Variants in SMC2 observed in about 807,000 individuals in gnomAD.
The protein encoded by SMC2 is structural maintenance of chromosomes protein 2.
SMC2 carries 41 observed loss-of-function variants against 142.6 expected under a neutral mutation model. That is an observed-to-expected ratio of 0.29 (90% CI 0.22 to 0.37). The LOEUF (loss-of-function observed/expected upper bound fraction) is 0.37, where lower values mean the gene tolerates loss of function less well. SMC2 is among the 10% of genes least tolerant of loss of function. The pLI is 1.00. For missense variants in SMC2, 1,265 were observed against 1,373.7 expected, an observed-to-expected ratio of 0.92 and a Z score of 1.25; for synonymous variants, 463 against 457.5, an observed-to-expected ratio of 1.01 and a Z score of -0.15.
chr9:104,094,364 C>T lies in SMC2; in HGVS notation c.-175C>T. The T allele has an allele frequency of 5.0e-6, 2 of 398,746 alleles. No homozygotes were observed. The highest frequency in any genetic ancestry group is 3.6e-5 in the East Asian group (1 of 28,064). The allele number at this position is 398,746 out of a possible 1,614,324, so 24.7% of individuals were successfully genotyped here. Reference sequence around the variant, plus strand: ...GAGAGCGGTGTGGCAGGTGTTGTAGCCGCTATGGTGAAGTTCGCTTTGTAG... The same window carrying T: ...GAGAGCGGTGTGGCAGGTGTTGTAGTCGCTATGGTGAAGTTCGCTTTGTAG... On this transcript the variant is annotated 5_prime_UTR_variant, in exon 1 of 25. Transcript: ENST00000374793.
chr9:104,126,329 A>G (rs1297756119), intron 18 of SMC2, among the ~76,000 whole-genome samples: 1 of 152,128 alleles, frequency 6.6e-6, no homozygotes, highest in Non-Finnish European at 1.5e-5. Flanking sequence ...TTTTTAAAAA[A>G]GCTTTACTTC....
chr9:104,120,289 GATTAA>G, intron 16 of SMC2, 127 bp downstream of exon 16: 1 of 877,950 alleles, frequency 1.1e-6, no homozygotes, highest in Non-Finnish European at 1.6e-6. Flanking sequence ...TAAAATGTTT[GATTAA>G]ATTGTGAGTT....
chr9:104,110,671 G>C (rs1360594882), intron 9 of SMC2, among the ~76,000 whole-genome samples: 3 of 152,148 alleles, frequency 2.0e-5, no homozygotes, highest in Non-Finnish European at 4.4e-5. Flanking sequence ...TGGCTCCTTA[G>C]CCATTTACTC....
intron 9 of SMC2, among the ~76,000 whole-genome samples, chr9:104,109,671 T>C (rs1832208397): frequency 6.6e-6 from 1 of 152,322 alleles, no homozygotes; most frequent in East Asian, 1.9e-4. Context: ...TCTCAATAAA[T>C]ATATTGGAAA....
At chr9:104,117,496 G>A (rs2131426394) in intron 14 of SMC2, among the ~76,000 whole-genome samples, 1 of 152,294 alleles carries the variant, frequency 6.6e-6, no homozygotes, top group East Asian at 1.9e-4. Flanking sequence ...GAGGACTGGG[G>A]ATTTTTTAAA....
At chr9:104,131,764 A>G (rs1834999257) in intron 21 of SMC2, among the ~76,000 whole-genome samples, 1 of 150,966 alleles carries the variant, frequency 6.6e-6, no homozygotes, top group Non-Finnish European at 1.5e-5. Context: ...TTAGTTATAT[A>G]CATATGGATG....
Position 104,095,380 on chromosome 9 carries a change from C to T in SMC2, c.-5C>T, listed in dbSNP as rs757422417. ...GAGGTTTGCTGACCCAAGACAGTAT[C>T]GAAAATGCATATTAAGTCAATTATT... On this transcript the variant is annotated 5_prime_UTR_variant, in exon 2 of 25. Transcript: ENST00000374793. The T allele has an allele frequency of 4.3e-6, 7 of 1,611,468 alleles. No individual in the cohort carries two copies. The South Asian group carries it at 5.5e-5, about 13-fold the overall frequency.
At chr9:104,096,459 A>G (rs576567983) in intron 3 of SMC2, among the ~76,000 whole-genome samples, 162 bp downstream of exon 3, 2 of 152,368 alleles carry the variant, frequency 1.3e-5, no homozygotes, top group East Asian at 3.9e-4. Flanking sequence ...TAAAATCTTG[A>G]TCATGCACAT....
At chr9:104,128,643 A>G (rs1834577410) in intron 20 of SMC2, among the ~76,000 whole-genome samples, 3 of 152,244 alleles carry the variant, frequency 2.0e-5, no homozygotes, top group Admixed American at 6.5e-5. Flanking sequence ...GTGAGACCAT[A>G]TCCATGGAAT....
At position 104,096,317 on chromosome 9, in the gene SMC2, T is replaced by G; in HGVS notation, c.318+20T>G. The G allele has an allele frequency of 2.5e-6, 4 of 1,612,150 alleles. No individual in the cohort carries two copies. Among genetic ancestry groups the G allele is most frequent in the Non-Finnish European group, 3.4e-6 (4 of 1,178,658 alleles). On this transcript the variant is annotated intron_variant, in intron 3 of 24. Coordinates refer to ENST00000374793, the MANE Select transcript of SMC2 (RefSeq NM_006444.3). Reference sequence around the variant, plus strand: ...AGGCAGGTGAGTGGCAATTAAACCTTTGGGTATCTTAAGACCTTTTATGTC... The same window carrying G: ...AGGCAGGTGAGTGGCAATTAAACCTGTGGGTATCTTAAGACCTTTTATGTC...
rs1834760558 is a variant in SMC2 at position 104,129,952 on chromosome 9, C to CT, written c.2991+109dup. ...TTAGAGTTAACCTTTTGCAGATGTC[C>CT]TTGATACTTTTCTTTCTGCTTTCCT... On this transcript the variant is annotated intron_variant, in intron 21 of 24. Coordinates refer to ENST00000374793, the MANE Select transcript of SMC2 (RefSeq NM_006444.3). 3.8e-6 allele frequency: 3 copies of CT among 790,652 alleles called. No homozygotes were observed. The South Asian group carries it at 5.2e-5, about 14-fold the overall frequency. The allele number at this position is 790,652 out of a possible 1,614,324, so 49.0% of individuals were successfully genotyped here.
Position 104,139,230 on chromosome 9 carries a change from G to A in SMC2, c.3509G>A (p.Arg1170Lys), listed in dbSNP as rs1835861779. 1 of 1,602,010 alleles carries A rather than the reference G, an allele frequency of 6.2e-7. No homozygotes were observed. Among genetic ancestry groups the A allele is most frequent in the Admixed American group, 1.7e-5 (1 of 57,372 alleles). Residue 1170 changes from arginine (R) to lysine (K), a missense_variant, in exon 25 of 25, where the codon AGA becomes AAA. Around this residue, in one of 4 missense-constraint regions of SMC2, gnomAD observed 192 missense variants for 261.9 expected, o/e 0.73. Transcript: ENST00000374793. ...KFVDGVSTVA[R>K]FTQCQNGKIS... ...GTGGATGGTGTTTCTACAGTAGCCA[G>A]ATTTACTCAATGTCAAAATGGAAAG...
chr9:104,130,399 A>C (rs751810831), intron 21 of SMC2, among the ~76,000 whole-genome samples: 3 of 152,114 alleles, frequency 2.0e-5, no homozygotes, highest in Non-Finnish European at 4.4e-5. Flanking sequence ...CAGTGGGGGA[A>C]GCATTCCCTA....
intron 19 of SMC2, 117 bp downstream of exon 19, chr9:104,126,901 G>A: frequency 3.8e-6 from 4 of 1,041,960 alleles, no homozygotes; most frequent in Non-Finnish European, 5.5e-6. Context: ...ATGAGAGAAT[G>A]AGGCACAAAT....
Position 104,102,514 on chromosome 9 carries a change from A to G in SMC2, c.961A>G (p.Lys321Glu), listed in dbSNP as rs1172254029. The G allele has an allele frequency of 1.2e-6, 2 of 1,613,740 alleles. No homozygotes were observed. The highest frequency in any genetic ancestry group is 1.7e-6 in the Non-Finnish European group (2 of 1,179,858). ...TKSQSAFDLK[K>E]KNLACEESKR... ...ATCTCAAAGCGCATTTGATCTCAAG[A>G]AGAAAAATCTGGCATGTGAGGAAAG... Residue 321 changes from lysine (K) to glutamate (E), a missense_variant, in exon 9 of 25, where the codon AAG becomes GAG. Lys to Glu is a moderately conservative substitution (Grantham distance 56, BLOSUM62 1). Coordinates refer to ENST00000374793, the MANE Select transcript of SMC2 (RefSeq NM_006444.3).
chr9:104,116,372 T>TAA (rs1554701802), intron 14 of SMC2, 53 bp downstream of exon 14: 1 of 1,509,514 alleles, frequency 6.6e-7, no homozygotes, highest in Non-Finnish European at 8.9e-7. Context: ...GTGGTTTTTT[T>TAA]AAGTTAGAAG....
Position 104,098,135 on chromosome 9 carries a change from A to G in SMC2, c.319-311A>G, listed in dbSNP as rs566291561. Among the ~76,000 whole-genome samples the G allele has an allele frequency of 8.5e-5, 13 of 152,326 alleles. No homozygotes were observed. In the East Asian group the frequency reaches 2.5e-3, roughly 29 times the overall value. ...AATTACAGAAAGAAAGTAACTAGGA[A>G]AGTGTGTTTTACATATACTTGGAAA... On this transcript the variant is annotated intron_variant, in intron 3 of 24. Coordinates refer to ENST00000374793, the MANE Select transcript of SMC2 (RefSeq NM_006444.3).
chr9:104,131,038 A>C (rs1834905443), intron 21 of SMC2, among the ~76,000 whole-genome samples: 1 of 152,184 alleles, frequency 6.6e-6, no homozygotes, highest in Non-Finnish European at 1.5e-5. Context: ...GACAGCAAGG[A>C]AAACAGCAGG....
intron 7 of SMC2, among the ~76,000 whole-genome samples, chr9:104,101,632 T>C (rs10122752): frequency 6.6e-6 from 1 of 152,212 alleles, no homozygotes; most frequent in African/African-American, 2.4e-5. Flanking sequence ...GTAGGCATCT[T>C]GATACTACTA....
Sources: gnomAD v4.1 joint callset for allele counts (sites outside exome capture counted in the v4.1 genomes callset) on GRCh38, gnomAD v4.1.1 for gene constraint, gnomAD v4.1.1 regional missense constraint, MANE v1.5 for transcripts, NCBI Gene and HGNC (gene_info 2026-07-23, HGNC 2026-07-21) for gene names.